The following EXT1 variants were observed in gnomAD, a reference collection of about 807,000 sequenced individuals.
EXT1 encodes exostosin glycosyltransferase 1, also known as exostosin-1.
EXT1 carries 20 observed loss-of-function variants against 82.5 expected under a neutral mutation model. That is an observed-to-expected ratio of 0.24 (90% CI 0.17 to 0.35). The LOEUF is 0.35. Among genes scored for constraint, EXT1 ranks in the 10% least tolerant of loss-of-function variants. The pLI is 1.00. For synonymous variants in EXT1, 348 were observed against 350.8 expected (o/e 0.99, Z 0.09); for missense variants, 757 against 936.5 (o/e 0.81, Z 2.50).
intron 1 of EXT1, among the ~76,000 whole-genome samples, chr8:118,099,582 A>G (rs1010055523): frequency 1.3e-5 from 2 of 152,240 alleles, no homozygotes; most frequent in African/African-American, 4.8e-5. Flanking sequence ...TTAAGGACAC[A>G]GGTTCAAAAG....
intron 1 of EXT1, among the ~76,000 whole-genome samples, chr8:117,871,104 C>T (rs1290266047): frequency 1.3e-5 from 2 of 152,150 alleles, no homozygotes; most frequent in East Asian, 3.8e-4. Flanking sequence ...TATGCATTGC[C>T]TGCATCTTAC....
chr8:117,850,682 G>T (rs1291479272), intron 1 of EXT1, among the ~76,000 whole-genome samples: 1 of 152,140 alleles, frequency 6.6e-6, no homozygotes, highest in Non-Finnish European at 1.5e-5. Flanking sequence ...CAAACACACT[G>T]CCTCCTTTCT....
intron 1 of EXT1, among the ~76,000 whole-genome samples, chr8:118,061,988 T>G (rs562172545): frequency 6.6e-6 from 1 of 152,252 alleles, no homozygotes; most frequent in East Asian, 1.9e-4. Flanking sequence ...TATTACTATC[T>G]TGATAAGGAA....
At chr8:117,890,941 TCTCCTTC>T (rs1361183988) in intron 1 of EXT1, among the ~76,000 whole-genome samples, 2 of 152,094 alleles carry the variant, frequency 1.3e-5, no homozygotes, top group Admixed American at 1.3e-4. Flanking sequence ...TACCCACAGC[TCTCCTTC>T]CTCCTTCCTC....
At position 117,799,297 on chromosome 8, in the gene EXT1, A is replaced by G. The variant is rs767383541; in HGVS notation, c.*415T>C. 4.4e-6 allele frequency: 1 copy of G among 225,638 alleles called. No homozygotes were observed. Among genetic ancestry groups the G allele is most frequent in the Non-Finnish European group, 9.0e-6 (1 of 111,180 alleles). The allele number at this position is 225,638 out of a possible 1,614,324, so 14.0% of individuals were successfully genotyped here. A position where few individuals can be genotyped will look rare whatever the true frequency, so the allele number is the denominator to read the frequency against. On this transcript the variant is annotated 3_prime_UTR_variant, in exon 11 of 11. Transcript: ENST00000378204. ...CTTTTGAAACTGCAGGGCACCCTAC[A>G]TGGCCATGACAATGATGTCTGTGGG...
Position 117,878,901 on chromosome 8 carries a change from G to A in EXT1, c.963-41700C>T, listed in dbSNP as rs527697392. Among the ~76,000 whole-genome samples the A allele has an allele frequency of 6.6e-5, 10 of 152,308 alleles. No homozygotes were observed. In the East Asian group the frequency reaches 1.9e-3, roughly 29 times the overall value. On this transcript the variant is annotated intron_variant, in intron 1 of 10. Transcript: ENST00000378204. ...AACACATCCATTGAGGGTTGGCTGT[G>A]GGCTATGCTCCACTTCTTCATGGTG...
intron 1 of EXT1, among the ~76,000 whole-genome samples, chr8:118,043,113 A>G (rs1176651088): frequency 6.6e-6 from 1 of 152,084 alleles, no homozygotes; most frequent in Non-Finnish European, 1.5e-5. Context: ...CAGCCTGCCC[A>G]CCCACAACAA....
At chr8:118,013,696 T>C (rs1242670806) in intron 1 of EXT1, among the ~76,000 whole-genome samples, 1 of 152,190 alleles carries the variant, frequency 6.6e-6, no homozygotes, top group East Asian at 1.9e-4. Context: ...TTTTAGCAAA[T>C]GAAAATACAG....
At chr8:117,978,790 T>C (rs4876783) in intron 1 of EXT1, among the ~76,000 whole-genome samples, 114,432 of 152,206 alleles carry the variant, frequency 0.75, 44,428 homozygotes, top group African/African-American at 0.94. Context: ...ACTCTCAGAA[T>C]AGTCCAGAAA....
rs2129680688 is a variant in EXT1 at position 117,799,978 on chromosome 8, C to T, written c.2056-81G>A. ...AAACATTGCAGAAAATGGAGTCAGGCAAATGAGCAAGCAGCAAAGCTTGGG... is the reference window on the plus strand; with the variant it reads ...AAACATTGCAGAAAATGGAGTCAGGTAAATGAGCAAGCAGCAAAGCTTGGG... On this transcript the variant is annotated intron_variant, in intron 10 of 10. Transcript: ENST00000378204. 16 of 1,451,126 alleles carry T rather than the reference C, an allele frequency of 1.1e-5. No homozygotes were observed. In the South Asian group the frequency reaches 1.8e-4, roughly 16 times the overall value. 89.9% of individuals were successfully genotyped at this position (1,451,126 alleles called of 1,614,324 possible). A position where few individuals can be genotyped will look rare whatever the true frequency, so the allele number is the denominator to read the frequency against.
At chr8:118,048,966 G>A (rs191209884) in intron 1 of EXT1, among the ~76,000 whole-genome samples, 12 of 152,058 alleles carry the variant, frequency 7.9e-5, no homozygotes, top group Admixed American at 5.9e-4. Flanking sequence ...CCAGACTATC[G>A]TCATAAGCCA....
At chr8:117,983,300 G>A (rs13260360) in intron 1 of EXT1, among the ~76,000 whole-genome samples, 61,534 of 151,862 alleles carry the variant, frequency 0.41, 12,663 homozygotes, top group Admixed American at 0.47. Flanking sequence ...CCTGGGCAAC[G>A]TGGTGAGATC....
chr8:117,899,504 G>C (rs1813403065), intron 1 of EXT1, among the ~76,000 whole-genome samples: 1 of 152,210 alleles, frequency 6.6e-6, no homozygotes. Flanking sequence ...TGCTGACAAA[G>C]TCACAATGAC....
chr8:117,800,067 G>T (rs767798845), intron 10 of EXT1, among the ~76,000 whole-genome samples, 170 bp from the exon 11 acceptor site: 1 of 152,150 alleles, frequency 6.6e-6, no homozygotes, highest in Non-Finnish European at 1.5e-5. Flanking sequence ...GCTGATATTG[G>T]TTTTTCCCAA....
chr8:118,038,617 T>C (rs1816469822), intron 1 of EXT1, among the ~76,000 whole-genome samples: 1 of 152,252 alleles, frequency 6.6e-6, no homozygotes, highest in African/African-American at 2.4e-5. Context: ...GCACTTACCA[T>C]TTACCAAGCA....
intron 1 of EXT1, among the ~76,000 whole-genome samples, chr8:117,975,620 C>G (rs1158275123): frequency 6.6e-6 from 1 of 152,132 alleles, no homozygotes; most frequent in Non-Finnish European, 1.5e-5. Flanking sequence ...CCTTCCTCCC[C>G]TCTAACATGC....
chr8:117,890,537 C>T (rs527629519), intron 1 of EXT1, among the ~76,000 whole-genome samples: 1 of 152,300 alleles, frequency 6.6e-6, no homozygotes, highest in East Asian at 1.9e-4. Flanking sequence ...TCATAGTAGG[C>T]AGGGCAATGT....
chr8:117,897,460 C>T (rs1183361055), intron 1 of EXT1, among the ~76,000 whole-genome samples: 1 of 152,142 alleles, frequency 6.6e-6, no homozygotes, highest in Non-Finnish European at 1.5e-5. Context: ...TTTCAATGAA[C>T]ACTTGTAGCA....
At chr8:118,102,053 G>C (rs1817728709) in intron 1 of EXT1, among the ~76,000 whole-genome samples, 1 of 151,672 alleles carries the variant, frequency 6.6e-6, no homozygotes, top group African/African-American at 2.4e-5. Context: ...GATCACCTCA[G>C]ATCAGGAATT....
Sources: gnomAD v4.1 joint callset for allele counts (sites outside exome capture counted in the v4.1 genomes callset) on GRCh38, gnomAD v4.1.1 for gene constraint, MANE v1.5 for transcripts, NCBI Gene and HGNC (gene_info 2026-07-23, HGNC 2026-07-21) for gene names.